Variants in XKR9 observed in about 807,000 individuals in gnomAD.
The protein encoded by XKR9 is XK-related protein 9.
XKR9 carries 32 observed loss-of-function variants against 32.0 expected under a neutral mutation model. The observed-to-expected ratio is 1.00, with a 90% CI of 0.76 to 1.34. The LOEUF (loss-of-function observed/expected upper bound fraction) is 1.34. XKR9 is among the 40% of genes most tolerant of loss of function. The pLI, the probability that XKR9 is intolerant of heterozygous loss-of-function variation, is 0.00. For missense variants in XKR9, 546 were observed against 429.7 expected (o/e 1.27, Z -2.39); for synonymous variants, 168 against 143.4 (o/e 1.17, Z -1.22).
At chr8:70,925,349 A>C in the XKR9 span, among the ~76,000 whole-genome samples, 1 of 152,210 alleles carries the variant, frequency 6.6e-6, no homozygotes, top group Non-Finnish European at 1.5e-5. Context: ...GGATTCAAAA[A>C]AAAGAAAAGT....
chr8:70,853,630 C>A, the XKR9 span, among the ~76,000 whole-genome samples: 2 of 150,290 alleles, frequency 1.3e-5, no homozygotes, highest in Non-Finnish European at 3.0e-5. Flanking sequence ...TGCCATGTAA[C>A]TCATCATTTA....
intron 3 of XKR9, among the ~76,000 whole-genome samples, chr8:70,697,092 A>G (rs1165540436): frequency 3.3e-5 from 5 of 151,036 alleles, no homozygotes; most frequent in African/African-American, 4.9e-5. Context: ...GGCTGAGACA[A>G]TGGGGTTTTC....
At chr8:70,900,856 T>C in the XKR9 span, among the ~76,000 whole-genome samples, 1 of 152,136 alleles carries the variant, frequency 6.6e-6, no homozygotes, top group Admixed American at 6.5e-5. Flanking sequence ...TCCCCACCTG[T>C]GTCCAAGTGT....
At chr8:70,826,033 A>G in the XKR9 span, among the ~76,000 whole-genome samples, 1 of 152,136 alleles carries the variant, frequency 6.6e-6, no homozygotes, top group Admixed American at 6.5e-5. Context: ...AATTCAAAGA[A>G]AAATTAGACT....
At chr8:71,033,339 A>G in the XKR9 span, among the ~76,000 whole-genome samples, 1 of 152,206 alleles carries the variant, frequency 6.6e-6, no homozygotes, top group Non-Finnish European at 1.5e-5. Context: ...TGAAGATTAG[A>G]TGAGTTAACA....
chr8:71,042,527 T>A, the XKR9 span, among the ~76,000 whole-genome samples: 726 of 152,284 alleles, frequency 4.8e-3, 9 homozygotes, highest in African/African-American at 0.017. Flanking sequence ...ATAAAGAATA[T>A]GTGATTTCAT....
chr8:71,050,234 G>GATATATATATATAT, the XKR9 span, among the ~76,000 whole-genome samples: 12 of 95,960 alleles, frequency 1.3e-4, no homozygotes, highest in South Asian at 2.9e-4. Context: ...ATGCCTGGCA[G>GATATATATATATAT]AGATATATAT....
the XKR9 span, among the ~76,000 whole-genome samples, chr8:71,057,969 G>A: frequency 1.3e-5 from 2 of 152,040 alleles, no homozygotes; most frequent in African/African-American, 4.8e-5. Flanking sequence ...TGGATCACGA[G>A]ATCAGATCGA....
chr8:70,867,999 A>C, the XKR9 span, among the ~76,000 whole-genome samples: 1 of 152,216 alleles, frequency 6.6e-6, no homozygotes, highest in Non-Finnish European at 1.5e-5. Context: ...GTCAAATCTT[A>C]AAGCTCCAAA....
chr8:70,953,887 G>A, the XKR9 span, among the ~76,000 whole-genome samples: 1 of 152,158 alleles, frequency 6.6e-6, no homozygotes, highest in Non-Finnish European at 1.5e-5. Context: ...TATGAGGCAA[G>A]GCGGTGGGAA....
rs1160887123 is a variant in XKR9 at position 70,698,226 on chromosome 8, G to C, written c.273-8707G>C. On this transcript the variant is annotated intron_variant, in intron 3 of 4. Transcript: ENST00000408926. ...TTTAGTTATTTCTTGCCTTCTGCTA[G>C]CTTTTGAATGTGTTTGCTCTTGCTT... Among the ~76,000 whole-genome samples the C allele has an allele frequency of 2.5e-3, 383 of 151,810 alleles. 3 individuals are homozygous for C. The highest frequency in any genetic ancestry group is 8.7e-3 in the African/African-American group (362 of 41,444).
At chr8:70,753,818 G>T (rs1354631145) in intron 2 of XKR9, among the ~76,000 whole-genome samples, 1 of 148,688 alleles carries the variant, frequency 6.7e-6, no homozygotes, top group Non-Finnish European at 1.5e-5. Context: ...CATGCTGAAT[G>T]GGCAAAAACT....
At chr8:70,837,040 A>G in the XKR9 span, among the ~76,000 whole-genome samples, 1 of 152,112 alleles carries the variant, frequency 6.6e-6, no homozygotes, top group Non-Finnish European at 1.5e-5. Context: ...TAGAGCCTGA[A>G]TGGTTCAAAA....
At chr8:70,812,312 A>C in the XKR9 span, among the ~76,000 whole-genome samples, 12 of 152,214 alleles carry the variant, frequency 7.9e-5, no homozygotes, top group African/African-American at 2.9e-4. Context: ...AGAGCTATGT[A>C]CGACAAACCC....
the XKR9 span, among the ~76,000 whole-genome samples, chr8:70,806,299 A>G: frequency 1.3e-5 from 2 of 152,232 alleles, no homozygotes; most frequent in Non-Finnish European, 2.9e-5. Flanking sequence ...ACAAACTCAC[A>G]AAGTTGAGAA....
chr8:70,767,770 G>A (rs1807398933), intron 2 of XKR9, among the ~76,000 whole-genome samples: 1 of 151,680 alleles, frequency 6.6e-6, no homozygotes, highest in African/African-American at 2.4e-5. Flanking sequence ...CAAAGTGCTG[G>A]GATTACAGGT....
the XKR9 span, among the ~76,000 whole-genome samples, chr8:71,021,651 C>CCT: frequency 9.2e-5 from 14 of 151,894 alleles, no homozygotes; most frequent in African/African-American, 3.4e-4. Flanking sequence ...TACAGGCACG[C>CCT]GCCACCATGC....
chr8:70,971,013 A>T, the XKR9 span, among the ~76,000 whole-genome samples: 1 of 152,170 alleles, frequency 6.6e-6, no homozygotes, highest in African/African-American at 2.4e-5. Context: ...ATGTATGTTT[A>T]TGTGGTACTT....
chr8:70,750,258 T>A (rs1013368253), intron 2 of XKR9, among the ~76,000 whole-genome samples: 1 of 152,188 alleles, frequency 6.6e-6, no homozygotes, highest in Non-Finnish European at 1.5e-5. Context: ...CTCTGTGAAC[T>A]CTGCATAGAA....
Sources: allele counts gnomAD v4.1 joint callset (sites outside exome capture counted in the v4.1 genomes callset), GRCh38; gene constraint gnomAD v4.1.1; transcripts MANE v1.5; gene names NCBI Gene and HGNC (gene_info 2026-07-23, HGNC 2026-07-21).